Variants in RASA2 observed in about 807,000 individuals in gnomAD.
RASA2 encodes the protein RAS p21 protein activator 2.
In RASA2, 155 loss-of-function variants were observed where a neutral mutation model predicts 118.2. The observed-to-expected ratio is 1.31, with a 90% confidence interval of 1.15 to 1.50. RASA2 has a LOEUF of 1.50. Ranked by LOEUF, RASA2 falls within the 40% of genes most tolerant of loss-of-function variation. RASA2 has a pLI of 0.00. For synonymous variants in RASA2, 353 were observed against 349.1 expected (o/e 1.01, Z -0.12); for missense variants, 1,016 against 1,009.6 (o/e 1.01, Z -0.09).
intron 19 of RASA2, among the ~76,000 whole-genome samples, chr3:141,602,469 C>G (rs1168650974): frequency 6.6e-6 from 1 of 152,184 alleles, no homozygotes; most frequent in Non-Finnish European, 1.5e-5. Flanking sequence ...GCTTGCCCAC[C>G]CACTGCTGCT....
intron 17 of RASA2, among the ~76,000 whole-genome samples, chr3:141,583,681 A>G (rs2083153025): frequency 6.6e-6 from 1 of 152,154 alleles, no homozygotes; most frequent in Admixed American, 6.5e-5. Flanking sequence ...AAACAGAAGT[A>G]AACATTCCAT....
intron 19 of RASA2, among the ~76,000 whole-genome samples, chr3:141,595,862 CAA>C (rs2083357897): frequency 6.6e-6 from 1 of 152,050 alleles, no homozygotes; most frequent in African/African-American, 2.4e-5. Context: ...CTCCTGGACC[CAA>C]GTGATCCTCC....
intron 1 of RASA2, among the ~76,000 whole-genome samples, chr3:141,500,506 C>A (rs1219484141): frequency 6.6e-6 from 1 of 152,130 alleles, no homozygotes; most frequent in Non-Finnish European, 1.5e-5. Flanking sequence ...ATCACTTAAC[C>A]TCTCTGAGCC....
chr3:141,552,190 G>C (rs2082585365), intron 5 of RASA2, among the ~76,000 whole-genome samples: 1 of 152,064 alleles, frequency 6.6e-6, no homozygotes, highest in Admixed American at 6.6e-5. Flanking sequence ...TTTTTTATAA[G>C]TCAGTACTGC....
At chr3:141,603,021 G>A (rs751547041) in intron 19 of RASA2, among the ~76,000 whole-genome samples, 1 of 152,144 alleles carries the variant, frequency 6.6e-6, no homozygotes, top group Non-Finnish European at 1.5e-5. Context: ...CTAACTTGGG[G>A]ATAATGGAAA....
chr3:141,598,703 T>TG, intron 19 of RASA2, among the ~76,000 whole-genome samples: 1 of 152,110 alleles, frequency 6.6e-6, no homozygotes, highest in East Asian at 1.9e-4. Flanking sequence ...TTCTACAAGT[T>TG]GCAAACTGTT....
intron 18 of RASA2, 62 bp downstream of exon 18, chr3:141,586,160 G>A (rs1483423078): frequency 7.0e-7 from 1 of 1,437,570 alleles, no homozygotes; most frequent in Non-Finnish European, 9.6e-7. Flanking sequence ...TAAGTACAAA[G>A]AGCGTGGGTC....
At chr3:141,557,962 G>T (rs1457306511) in intron 7 of RASA2, among the ~76,000 whole-genome samples, 1 of 152,094 alleles carries the variant, frequency 6.6e-6, no homozygotes, top group Non-Finnish European at 1.5e-5. Context: ...CTCCAGTAGG[G>T]AGTTTATGAC....
In RASA2 at chr3:141,564,383, C is replaced by T. The variant is rs562211549; in HGVS notation, c.863+4388C>T. ...AGGGATGGTCCCAGAGAGGCAGAACCAGTTGTAACTGAGTAAGCAGTAATA... is the reference window on the plus strand; with the variant it reads ...AGGGATGGTCCCAGAGAGGCAGAACTAGTTGTAACTGAGTAAGCAGTAATA... On this transcript the variant is annotated intron_variant, in intron 9 of 23. Transcript: ENST00000286364. Among the ~76,000 whole-genome samples the T allele has an allele frequency of 2.0e-5, 3 of 152,230 alleles. No homozygotes were observed. The East Asian group carries it at 5.8e-4, about 29-fold the overall frequency.
intron 19 of RASA2, among the ~76,000 whole-genome samples, chr3:141,593,385 C>T (rs1230155869): frequency 1.3e-5 from 2 of 151,974 alleles, no homozygotes; most frequent in Admixed American, 1.3e-4. Flanking sequence ...CTTGAAAGCA[C>T]TCCCAGTCTA....
At chr3:141,610,878 CCTT>C (rs1307501282) in intron 23 of RASA2, among the ~76,000 whole-genome samples, 3 of 151,944 alleles carry the variant, frequency 2.0e-5, no homozygotes, top group African/African-American at 7.3e-5. Flanking sequence ...TACTGATCCT[CCTT>C]CTACAGTACA....
rs2081586753 is a variant in RASA2 at position 141,487,134 on chromosome 3, G to C, written c.51G>C (p.Ala17=). The change falls in exon 1 of 24, where the codon GCG becomes GCC. Residue 17 remains alanine, a synonymous_variant. Coordinates refer to ENST00000286364, the MANE Select transcript of RASA2 (RefSeq NM_006506.5). ...AAAAASSEAP[A]ASATAEPEAG... The stretch of plus-strand genomic sequence containing the variant: ...CGGCGGCTTCTTCCGAGGCGCCAGC[G>C]GCGAGTGCGACTGCAGAGCCCGAGG... 1 of 1,447,662 alleles carries C rather than the reference G, an allele frequency of 6.9e-7. No homozygotes were observed. Among genetic ancestry groups the C allele is most frequent in the Non-Finnish European group, 9.2e-7 (1 of 1,091,140 alleles). The allele number at this position is 1,447,662 out of a possible 1,614,324, so 89.7% of individuals were successfully genotyped here.
In RASA2 at chr3:141,613,747, ATTG is replaced by A. The variant is rs1306559130; in HGVS notation, c.*1437_*1439del. 6.6e-6 allele frequency: 1 copy of A among 152,150 alleles called. No homozygotes were observed. Among genetic ancestry groups the A allele is most frequent in the East Asian group, 1.9e-4 (1 of 5,202 alleles). 9.4% of individuals were successfully genotyped at this position (152,150 alleles called of 1,614,324 possible). A position where few individuals can be genotyped will look rare whatever the true frequency, so the allele number is the denominator to read the frequency against. ...TGGTGGGTAATCATTTTTAAATTAT[ATTG>A]TTATTAGGTAATTATTTTTAAAGAC... On this transcript the variant is annotated 3_prime_UTR_variant, in exon 24 of 24. Coordinates refer to ENST00000286364, the MANE Select transcript of RASA2 (RefSeq NM_006506.5).
At chr3:141,579,340 AATT>A (rs1234475216) in intron 15 of RASA2, 1 of 152,190 alleles carries the variant, frequency 6.6e-6, no homozygotes, top group Non-Finnish European at 1.5e-5. Flanking sequence ...GTCATATGTA[AATT>A]ATATCTCAAT....
intron 16 of RASA2, among the ~76,000 whole-genome samples, 180 bp downstream of exon 16, chr3:141,580,631 G>A (rs900063523): frequency 6.6e-6 from 1 of 151,714 alleles, no homozygotes; most frequent in African/African-American, 2.4e-5. Context: ...TGTTAAAGAG[G>A]ACAGTTTCAG....
chr3:141,503,482 G>A (rs937167828), intron 1 of RASA2, among the ~76,000 whole-genome samples: 2 of 152,170 alleles, frequency 1.3e-5, no homozygotes, highest in Non-Finnish European at 2.9e-5. Context: ...AATCTTAACA[G>A]TTTTGATTTG....
At chr3:141,547,445 T>C (rs1488990823) in intron 5 of RASA2, among the ~76,000 whole-genome samples, 1 of 152,186 alleles carries the variant, frequency 6.6e-6, no homozygotes, top group Non-Finnish European at 1.5e-5. Context: ...CTATTTTGTT[T>C]TATTTGTAGC....
chr3:141,561,735 A>G (rs77623014), intron 9 of RASA2, among the ~76,000 whole-genome samples: 6 of 152,370 alleles, frequency 3.9e-5, no homozygotes, highest in East Asian at 3.9e-4. Context: ...GAGAGTAATC[A>G]TCAGTAATTT....
At chr3:141,552,555 C>T (rs1052439392) in intron 5 of RASA2, among the ~76,000 whole-genome samples, 4 of 152,010 alleles carry the variant, frequency 2.6e-5, no homozygotes, top group Admixed American at 1.3e-4. Flanking sequence ...CTGCAAATGC[C>T]GTGTCAGATA....
Sources: gnomAD v4.1 joint callset for allele counts (sites outside exome capture counted in the v4.1 genomes callset) on GRCh38, gnomAD v4.1.1 for gene constraint, MANE v1.5 for transcripts, NCBI Gene and HGNC (gene_info 2026-07-23, HGNC 2026-07-21) for gene names.